The following ZNF804B variants were observed in gnomAD, a reference collection of about 807,000 sequenced individuals.
ZNF804B encodes zinc finger 804B.
In ZNF804B, 80 loss-of-function variants were observed where a neutral mutation model predicts 101.4. The observed-to-expected ratio is 0.79, with a 90% CI of 0.66 to 0.95. The LOEUF (loss-of-function observed/expected upper bound fraction) is 0.95. ZNF804B is among the 40% of genes least tolerant of loss of function. The pLI is 0.00. For synonymous variants in ZNF804B, 622 were observed against 558.8 expected (o/e 1.11, Z -1.59); for missense variants, 1,673 against 1,561.9 (o/e 1.07, Z -1.20).
At chr7:89,014,036 G>C (rs965967516) in intron 1 of ZNF804B, among the ~76,000 whole-genome samples, 2 of 152,040 alleles carry the variant, frequency 1.3e-5, no homozygotes, top group East Asian at 3.9e-4. Context: ...ATATGTCTTT[G>C]ATATTTTTAT....
At chr7:88,912,825 A>C (rs1792568991) in intron 1 of ZNF804B, among the ~76,000 whole-genome samples, 1 of 152,212 alleles carries the variant, frequency 6.6e-6, no homozygotes, top group Non-Finnish European at 1.5e-5. Flanking sequence ...ATTGTATTTG[A>C]AACAATGATT....
At chr7:88,822,982 G>A (rs1165457338) in intron 1 of ZNF804B, among the ~76,000 whole-genome samples, 1 of 152,044 alleles carries the variant, frequency 6.6e-6, no homozygotes, top group Non-Finnish European at 1.5e-5. Flanking sequence ...AGGCTGAGGC[G>A]GGTGTACCAC....
chr7:88,837,504 T>C (rs1205926198), intron 1 of ZNF804B, among the ~76,000 whole-genome samples: 3 of 151,916 alleles, frequency 2.0e-5, no homozygotes, highest in African/African-American at 7.2e-5. Context: ...CAGTGATCAA[T>C]GGTAGAAAAT....
At chr7:88,883,086 A>C (rs190700503) in intron 1 of ZNF804B, among the ~76,000 whole-genome samples, 7 of 152,106 alleles carry the variant, frequency 4.6e-5, no homozygotes, top group Non-Finnish European at 7.4e-5. Context: ...AAAAAATTTT[A>C]AAAAAATTCC....
chr7:88,824,571 A>G (rs1044364015), intron 1 of ZNF804B, among the ~76,000 whole-genome samples: 7 of 152,164 alleles, frequency 4.6e-5, no homozygotes, highest in Non-Finnish European at 1.0e-4. Flanking sequence ...CATATGTACA[A>G]ACTTTACCTT....
intron 1 of ZNF804B, among the ~76,000 whole-genome samples, chr7:88,945,592 T>G (rs557462011): frequency 6.7e-6 from 1 of 149,296 alleles, no homozygotes; most frequent in African/African-American, 2.5e-5. Context: ...TGGTTCCATA[T>G]GAAATTTAAA....
intron 2 of ZNF804B, among the ~76,000 whole-genome samples, chr7:89,323,313 A>T (rs1020972003): frequency 1.3e-5 from 2 of 152,244 alleles, no homozygotes; most frequent in Admixed American, 1.3e-4. Context: ...CACTAGAATG[A>T]CACAAGAACT....
chr7:88,801,045 T>A, intron 1 of ZNF804B, among the ~76,000 whole-genome samples: 1 of 152,106 alleles, frequency 6.6e-6, no homozygotes, highest in Non-Finnish European at 1.5e-5. Context: ...AGTGGAGAAT[T>A]TTTTATTTTA....
intron 2 of ZNF804B, among the ~76,000 whole-genome samples, chr7:89,222,446 C>A: frequency 6.6e-6 from 1 of 151,930 alleles, no homozygotes; most frequent in Non-Finnish European, 1.5e-5. Context: ...TTCAAACTAT[C>A]CCATTTATAT....
chr7:88,801,696 A>C (rs1299468094), intron 1 of ZNF804B, among the ~76,000 whole-genome samples: 3 of 152,144 alleles, frequency 2.0e-5, no homozygotes, highest in African/African-American at 7.2e-5. Flanking sequence ...AGTGAAGAAA[A>C]AATTTTAAAA....
chr7:88,785,202 A>C (rs931132497), intron 1 of ZNF804B, among the ~76,000 whole-genome samples: 3 of 152,020 alleles, frequency 2.0e-5, no homozygotes, highest in Non-Finnish European at 4.4e-5. Flanking sequence ...GTGAAACCCA[A>C]ACTGTTGCTC....
chr7:88,809,572 A>G (rs1054519622), intron 1 of ZNF804B, among the ~76,000 whole-genome samples: 3 of 152,232 alleles, frequency 2.0e-5, no homozygotes, highest in African/African-American at 4.8e-5. Context: ...AATAATTTAT[A>G]AATTGATTTT....
chr7:89,324,610 T>C (rs1185268522), intron 2 of ZNF804B, among the ~76,000 whole-genome samples: 1 of 147,576 alleles, frequency 6.8e-6, no homozygotes, highest in Non-Finnish European at 1.5e-5. Context: ...CTTCTTACTT[T>C]TTTTTTTTTT....
Position 89,334,796 on chromosome 7 carries a change from C to T in ZNF804B, c.1814C>T (p.Ala605Val), listed in dbSNP as rs758271891. ...NNSSENKLKE[A>V]SRAHWQGCRK... The stretch of plus-strand genomic sequence containing the variant: ...AGTAGTGAGAACAAACTTAAGGAAG[C>T]TTCAAGGGCCCATTGGCAAGGCTGC... The change falls in exon 4 of 4, where the codon GCT (alanine) becomes GTT (valine). Residue 605 changes from alanine to valine, a missense_variant. Physicochemically the swap from Ala to Val is moderately conservative, Grantham distance 64 (BLOSUM62 0). Transcript: ENST00000333190. The T allele has an allele frequency of 1.9e-6, 3 of 1,613,840 alleles. No individual in the cohort carries two copies. Among genetic ancestry groups the T allele is most frequent in the Non-Finnish European group, 2.5e-6 (3 of 1,179,874 alleles).
In ZNF804B at chr7:89,279,254, G is replaced by A. The variant is rs1251522700; in HGVS notation, c.250-48090G>A. ...TATCAGCTTAAGGAGATTTTGGGCT[G>A]AGACAGTGGGGTTTTCTAGATATAC... On this transcript the variant is annotated intron_variant, in intron 2 of 3. Coordinates refer to ENST00000333190, the MANE Select transcript of ZNF804B (RefSeq NM_181646.5). Among the ~76,000 whole-genome samples the A allele has an allele frequency of 2.6e-5, 4 of 152,138 alleles. No homozygotes were observed. The East Asian group carries it at 7.7e-4, about 29-fold the overall frequency.
intron 1 of ZNF804B, among the ~76,000 whole-genome samples, chr7:89,217,139 A>G (rs1232798793): frequency 6.6e-6 from 1 of 152,246 alleles, no homozygotes; most frequent in Non-Finnish European, 1.5e-5. Context: ...ATAGACATGA[A>G]AACAGATAAT....
At chr7:88,840,437 G>A (rs377527722) in intron 1 of ZNF804B, among the ~76,000 whole-genome samples, 1 of 152,004 alleles carries the variant, frequency 6.6e-6, no homozygotes, top group South Asian at 2.1e-4. Context: ...TGCAACAATT[G>A]TCTGTAAAAT....
chr7:89,195,844 C>T (rs934574455), intron 1 of ZNF804B, among the ~76,000 whole-genome samples: 1 of 151,174 alleles, frequency 6.6e-6, no homozygotes, highest in African/African-American at 2.4e-5. Flanking sequence ...ATATAATTTA[C>T]AAGAGAAGTG....
At chr7:88,795,354 A>T (rs79780571) in intron 1 of ZNF804B, among the ~76,000 whole-genome samples, 3,130 of 130,748 alleles carry the variant, frequency 0.024, 93 homozygotes, top group African/African-American at 0.079. Context: ...TATAACTTTT[A>T]AAAAAAAATC....
Sources: allele counts gnomAD v4.1 joint callset (sites outside exome capture counted in the v4.1 genomes callset), GRCh38; gene constraint gnomAD v4.1.1; transcripts MANE v1.5; gene names NCBI Gene and HGNC (gene_info 2026-07-23, HGNC 2026-07-21).